The following ZNF423 variants were observed in gnomAD, a reference collection of about 807,000 sequenced individuals.
The protein encoded by ZNF423 is zinc finger protein 423, also known as Ebf-associated zinc finger protein.
A neutral mutation model predicts 95.8 loss-of-function variants in ZNF423; 12 were observed. The ratio of observed to expected loss-of-function variants is 0.13; its 90% CI spans 0.08 to 0.20. ZNF423 has a LOEUF of 0.20. Ranked by LOEUF, ZNF423 falls within the 10% of genes least tolerant of loss-of-function variation. The pLI, the probability that ZNF423 is intolerant of heterozygous loss-of-function variation, is 1.00. For missense variants in ZNF423, 1,316 were observed against 1,737.1 expected (o/e 0.76, Z 4.31); for synonymous variants, 749 against 711.9 (o/e 1.05, Z -0.83).
At chr16:49,543,301 C>T (rs556200499) in intron 5 of ZNF423, among the ~76,000 whole-genome samples, 12 of 152,226 alleles carry the variant, frequency 7.9e-5, no homozygotes, top group Admixed American at 2.0e-4. Context: ...GCCCAAGCAG[C>T]GGGCCTTCTC....
At chr16:49,832,541 T>C (rs1257746241) in intron 1 of ZNF423, among the ~76,000 whole-genome samples, 1 of 152,002 alleles carries the variant, frequency 6.6e-6, no homozygotes, top group Non-Finnish European at 1.5e-5. Context: ...AAATAGGCGC[T>C]CCTCAAATAG....
intron 5 of ZNF423, among the ~76,000 whole-genome samples, chr16:49,599,775 C>T (rs1034057761): frequency 3.3e-5 from 5 of 152,080 alleles, no homozygotes; most frequent in African/African-American, 1.2e-4. Context: ...ATGCATGGGG[C>T]GATTCAACAG....
chr16:49,821,635 CAAG>C (rs2034942626), intron 1 of ZNF423, among the ~76,000 whole-genome samples: 1 of 152,172 alleles, frequency 6.6e-6, no homozygotes, highest in Non-Finnish European at 1.5e-5. Context: ...CAGGTTGTAA[CAAG>C]AAGAGATTTC....
At chr16:49,647,205 T>C (rs1328167287) in intron 3 of ZNF423, among the ~76,000 whole-genome samples, 1 of 152,212 alleles carries the variant, frequency 6.6e-6, no homozygotes, top group Non-Finnish European at 1.5e-5. Context: ...TCTTAAGCTT[T>C]ACAACCCCAC....
chr16:49,671,692 A>AT lies in ZNF423; in HGVS notation c.302-32819dup, dbSNP rs1057357524. Reference sequence around the variant, plus strand: ...CGTTTTATTTTATTTTTTATTTATTATTTTTTTTTGAGGCGGAGTCTCACT... The same window carrying AT: ...CGTTTTATTTTATTTTTTATTTATTATTTTTTTTTTGAGGCGGAGTCTCACT... On this transcript the variant is annotated intron_variant, in intron 3 of 7. Coordinates refer to ENST00000563137, the MANE Select transcript of ZNF423 (RefSeq NM_001379286.1). Among the ~76,000 whole-genome samples, 97 of 151,262 alleles carry AT rather than the reference A, an allele frequency of 6.4e-4. 1 individual carries two copies. Among genetic ancestry groups the AT allele is most frequent in the South Asian group, 2.3e-3 (11 of 4,762 alleles).
chr16:49,779,466 G>T (rs1177172079), intron 2 of ZNF423, among the ~76,000 whole-genome samples: 1 of 152,014 alleles, frequency 6.6e-6, no homozygotes, highest in Non-Finnish European at 1.5e-5. Flanking sequence ...AGAATCTCAG[G>T]CCCTACCCAG....
intron 2 of ZNF423, among the ~76,000 whole-genome samples, chr16:49,764,914 A>AT (rs568429802): frequency 0.089 from 12,340 of 138,102 alleles, 589 homozygotes; most frequent in East Asian, 0.14. Flanking sequence ...CGCCCAGCTA[A>AT]TTTTTTTTTT....
In ZNF423 at chr16:49,823,657, A is replaced by AC. The variant is rs1460229713; in HGVS notation, c.40+32077_40+32078insG. Among the ~76,000 whole-genome samples the AC allele has an allele frequency of 3.3e-5, 5 of 152,326 alleles. No individual in the cohort carries two copies. The East Asian group carries it at 9.6e-4, about 29-fold the overall frequency. ...TTATAACTTGTTGGGGGAAAAAAAA[A>AC]GGAGAAGAAGGAGGCAGAGGAGACA... On this transcript the variant is annotated intron_variant, in intron 1 of 7. Transcript: ENST00000563137.
intron 2 of ZNF423, among the ~76,000 whole-genome samples, chr16:49,767,679 G>A (rs1485917269): frequency 1.3e-5 from 2 of 152,040 alleles, no homozygotes; most frequent in African/African-American, 2.4e-5. Flanking sequence ...TTAATCCCAG[G>A]GAGAGTCAGA....
At chr16:49,847,763 A>T (rs1225375651) in intron 1 of ZNF423, 2 of 152,180 alleles carry the variant, frequency 1.3e-5, no homozygotes, top group Non-Finnish European at 1.5e-5. Context: ...GGTGCCAACT[A>T]TAAATGAAAA....
intron 1 of ZNF423, among the ~76,000 whole-genome samples, chr16:49,793,817 A>C (rs1347248691): frequency 6.6e-6 from 1 of 152,148 alleles, no homozygotes; most frequent in East Asian, 1.9e-4. Context: ...GTGGATGTGA[A>C]TACACAGGGA....
chr16:49,660,537 C>A (rs2030159395), intron 3 of ZNF423, among the ~76,000 whole-genome samples: 1 of 152,212 alleles, frequency 6.6e-6, no homozygotes, highest in Non-Finnish European at 1.5e-5. Flanking sequence ...CTGACCTGAC[C>A]ACCCTCCTGA....
intron 1 of ZNF423, among the ~76,000 whole-genome samples, chr16:49,790,998 A>T (rs17211126): frequency 2.0e-5 from 3 of 152,154 alleles, no homozygotes; most frequent in Non-Finnish European, 4.4e-5. Context: ...GGTGCTCTAC[A>T]TGGTGCAATC....
At chr16:49,690,983 C>T (rs755180425) in intron 3 of ZNF423, among the ~76,000 whole-genome samples, 18 of 152,214 alleles carry the variant, frequency 1.2e-4, no homozygotes, top group Non-Finnish European at 2.4e-4. Flanking sequence ...GAGGTGAGCT[C>T]CCCGGCAGCC....
chr16:49,623,653 G>C (rs917634408), intron 5 of ZNF423, among the ~76,000 whole-genome samples: 6 of 152,194 alleles, frequency 3.9e-5, no homozygotes, highest in Non-Finnish European at 7.3e-5. Flanking sequence ...CTTCAGCAGG[G>C]GGCTTTCAGA....
At chr16:49,686,532 C>T (rs1229449727) in intron 3 of ZNF423, among the ~76,000 whole-genome samples, 2 of 152,080 alleles carry the variant, frequency 1.3e-5, no homozygotes, top group Admixed American at 6.5e-5. Flanking sequence ...TGCGTACGCC[C>T]CACACGGAGG....
chr16:49,702,051 G>C (rs1334922863), intron 3 of ZNF423, among the ~76,000 whole-genome samples: 3 of 152,192 alleles, frequency 2.0e-5, no homozygotes, highest in Non-Finnish European at 2.9e-5. Flanking sequence ...TCAAATTTCT[G>C]AAATGTAGGC....
chr16:49,510,600 G>A (rs1967847813), intron 7 of ZNF423, among the ~76,000 whole-genome samples: 1 of 152,238 alleles, frequency 6.6e-6, no homozygotes, highest in Non-Finnish European at 1.5e-5. Context: ...TATGAGCCCA[G>A]GTGGTCTGAC....
intron 2 of ZNF423, among the ~76,000 whole-genome samples, chr16:49,756,706 G>A (rs1238145093): frequency 6.6e-6 from 1 of 152,216 alleles, no homozygotes; most frequent in African/African-American, 2.4e-5. Flanking sequence ...GGAGGAGGTG[G>A]CAACCATCAC....
Sources: gnomAD v4.1 joint callset for allele counts (sites outside exome capture counted in the v4.1 genomes callset) on GRCh38, gnomAD v4.1.1 for gene constraint, MANE v1.5 for transcripts, NCBI Gene and HGNC (gene_info 2026-07-23, HGNC 2026-07-21) for gene names.